The following SOX5 variants were observed in gnomAD, a reference collection of about 807,000 sequenced individuals.
SOX5 encodes SRY-box transcription factor 5.
Under a neutral mutation model 92.0 loss-of-function variants are expected in SOX5, and 9 were observed. That is an observed-to-expected ratio of 0.10 (90% CI 0.06 to 0.17). The LOEUF (loss-of-function observed/expected upper bound fraction) is 0.17, where lower values mean the gene tolerates loss of function less well. Among genes scored for constraint, SOX5 ranks in the 10% least tolerant of loss-of-function variants. SOX5 has a pLI of 1.00. For missense variants in SOX5, 642 were observed against 944.5 expected, an observed-to-expected ratio of 0.68 and a Z score of 4.20; for synonymous variants, 344 against 336.3, an observed-to-expected ratio of 1.02 and a Z score of -0.25.
intron 4 of SOX5, among the ~76,000 whole-genome samples, chr12:24,076,652 T>C (rs1241979860): frequency 1.3e-5 from 2 of 151,316 alleles, no homozygotes; most frequent in African/African-American, 4.9e-5. Context: ...TTGAATTCTA[T>C]AGATAAATAG....
intron 1 of SOX5, among the ~76,000 whole-genome samples, chr12:24,407,146 C>T (rs1963152104): frequency 6.6e-6 from 1 of 152,064 alleles, no homozygotes; most frequent in Non-Finnish European, 1.5e-5. Flanking sequence ...GGGCCTGCAG[C>T]AGTGATAGCA....
intron 1 of SOX5, among the ~76,000 whole-genome samples, chr12:23,906,789 GGATT>G (rs2097297815): frequency 6.6e-6 from 1 of 152,238 alleles, no homozygotes; most frequent in South Asian, 2.1e-4. Context: ...AAAGTTCAGA[GGATT>G]GATTAACAAA....
intron 6 of SOX5, among the ~76,000 whole-genome samples, chr12:23,666,750 A>G (rs1185741459): frequency 6.6e-6 from 1 of 152,210 alleles, no homozygotes; most frequent in Non-Finnish European, 1.5e-5. Context: ...AGAAAACTAA[A>G]ATCCCACATC....
intron 2 of SOX5, among the ~76,000 whole-genome samples, chr12:24,358,774 C>G (rs1955173234): frequency 6.6e-6 from 1 of 152,146 alleles, no homozygotes; most frequent in Non-Finnish European, 1.5e-5. Context: ...AACAGTTAAA[C>G]CAGATAAAGT....
chr12:24,501,392 AT>A (rs1476689641), intron 1 of SOX5, among the ~76,000 whole-genome samples: 3 of 151,978 alleles, frequency 2.0e-5, no homozygotes, highest in Non-Finnish European at 2.9e-5. Flanking sequence ...AAAAAAAAAA[AT>A]ATGTACAAGC....
chr12:23,695,796 C>A (rs1159197109), intron 6 of SOX5, among the ~76,000 whole-genome samples: 1 of 151,680 alleles, frequency 6.6e-6, no homozygotes, highest in Non-Finnish European at 1.5e-5. Context: ...AAAAAATTAG[C>A]TGGGCCCGGT....
Position 23,762,519 on chromosome 12 carries a change from G to A in SOX5, c.482-6795C>T, listed in dbSNP as rs539969950. On this transcript the variant is annotated intron_variant, in intron 3 of 14. Coordinates refer to ENST00000451604, the MANE Select transcript of SOX5 (RefSeq NM_006940.6). ...TATTTTTATATGTGATTGTCCTGAAGTGAATTAAACACTGGAAATACTTTA... is the reference window on the plus strand; with the variant it reads ...TATTTTTATATGTGATTGTCCTGAAATGAATTAAACACTGGAAATACTTTA... 3 of 478,120 alleles carry A rather than the reference G, an allele frequency of 6.3e-6. No homozygotes were observed. The South Asian group carries it at 1.2e-4, about 19-fold the overall frequency. The allele number at this position is 478,120 out of a possible 1,614,324, so 29.6% of individuals were successfully genotyped here. A position where few individuals can be genotyped will look rare whatever the true frequency, so the allele number is the denominator to read the frequency against.
At chr12:23,913,194 A>AT (rs1047929076) in intron 1 of SOX5, among the ~76,000 whole-genome samples, 2 of 152,190 alleles carry the variant, frequency 1.3e-5, no homozygotes, top group East Asian at 1.9e-4. Flanking sequence ...CAAATATAAA[A>AT]TTTTTTTATG....
At chr12:23,784,809 G>T (rs1434283728) in intron 3 of SOX5, among the ~76,000 whole-genome samples, 2 of 152,156 alleles carry the variant, frequency 1.3e-5, no homozygotes, top group African/African-American at 4.8e-5. Flanking sequence ...ACACGCAGTG[G>T]CTCACACCTG....
intron 1 of SOX5, among the ~76,000 whole-genome samples, chr12:23,925,861 C>T (rs1023637655): frequency 6.6e-6 from 1 of 152,012 alleles, no homozygotes; most frequent in Non-Finnish European, 1.5e-5. Context: ...CTTACAATCA[C>T]CTTTAGTGTA....
intron 6 of SOX5, among the ~76,000 whole-genome samples, chr12:23,704,453 C>A (rs2091093004): frequency 6.6e-6 from 1 of 151,224 alleles, no homozygotes; most frequent in Non-Finnish European, 1.5e-5. Context: ...AAAGCCATAG[C>A]CTTATGGCAT....
intron 3 of SOX5, among the ~76,000 whole-genome samples, chr12:24,238,574 C>T (rs1964972541): frequency 1.3e-5 from 2 of 152,120 alleles, no homozygotes; most frequent in African/African-American, 4.8e-5. Context: ...CCAGGTTGGT[C>T]TTAAACTCCT....
At chr12:23,874,050 T>G (rs1277677534) in intron 2 of SOX5, among the ~76,000 whole-genome samples, 1 of 152,142 alleles carries the variant, frequency 6.6e-6, no homozygotes, top group Admixed American at 6.5e-5. Flanking sequence ...AAGATGGTGA[T>G]TCACAAAAGT....
intron 1 of SOX5, among the ~76,000 whole-genome samples, chr12:24,431,179 T>C (rs1176100992): frequency 6.6e-6 from 1 of 152,130 alleles, no homozygotes; most frequent in East Asian, 1.9e-4. Flanking sequence ...TCAGCGAGAT[T>C]AAGGAATATA....
intron 2 of SOX5, among the ~76,000 whole-genome samples, chr12:24,289,899 G>T (rs1020550718): frequency 2.6e-5 from 4 of 152,160 alleles, no homozygotes; most frequent in Non-Finnish European, 5.9e-5. Flanking sequence ...CATTATAAAA[G>T]CCTGGGGTTC....
At chr12:23,694,988 T>C (rs1482361450) in intron 6 of SOX5, among the ~76,000 whole-genome samples, 2 of 151,918 alleles carry the variant, frequency 1.3e-5, no homozygotes, top group African/African-American at 4.8e-5. Context: ...GGCATGGTGG[T>C]GCATACCTGT....
intron 1 of SOX5, among the ~76,000 whole-genome samples, chr12:24,533,226 T>TA (rs1374905431): frequency 2.0e-5 from 3 of 152,202 alleles, no homozygotes; most frequent in Non-Finnish European, 4.4e-5. Flanking sequence ...TTCCATTTTG[T>TA]AAGGAGCTTG....
chr12:24,127,299 G>C (rs1023567289), intron 4 of SOX5, among the ~76,000 whole-genome samples: 13 of 151,594 alleles, frequency 8.6e-5, no homozygotes, highest in Admixed American at 2.0e-4. Context: ...GCTCAGGTGG[G>C]AGGATTGCTT....
intron 3 of SOX5, among the ~76,000 whole-genome samples, chr12:24,217,342 GATTGA>G (rs1959237597): frequency 6.6e-6 from 1 of 152,238 alleles, no homozygotes; most frequent in African/African-American, 2.4e-5. Flanking sequence ...GTTAGCGTCA[GATTGA>G]ATTGAACTAC....
Sources: allele counts gnomAD v4.1 joint callset (sites outside exome capture counted in the v4.1 genomes callset), GRCh38; gene constraint gnomAD v4.1.1; transcripts MANE v1.5; gene names NCBI Gene and HGNC (gene_info 2026-07-23, HGNC 2026-07-21).